CLGN: variants seen among roughly 807,000 people sequenced by gnomAD.
CLGN encodes the protein calmegin.
CLGN carries 62 observed loss-of-function variants against 79.1 expected under a neutral mutation model. The observed-to-expected ratio is 0.78, with a 90% confidence interval of 0.64 to 0.97. The LOEUF (loss-of-function observed/expected upper bound fraction) is 0.97. Ranked by LOEUF, CLGN falls within the 50% of genes least tolerant of loss-of-function variation. The pLI is 0.00. For missense variants in CLGN, 647 were observed against 715.5 expected, an observed-to-expected ratio of 0.90 and a Z score of 1.09; for synonymous variants, 225 against 224.7, an observed-to-expected ratio of 1.00 and a Z score of -0.01.
rs1032229752 is a variant in CLGN, at chr4:140,388,639, C to T, written c.*585G>A. The T allele has an allele frequency of 2.0e-5, 3 of 151,594 alleles. No individual in the cohort carries two copies. Among genetic ancestry groups the T allele is most frequent in the African/African-American group, 7.3e-5 (3 of 41,338 alleles). 9.4% of individuals were successfully genotyped at this position (151,594 alleles called of 1,614,324 possible). A position where few individuals can be genotyped will look rare whatever the true frequency, so the allele number is the denominator to read the frequency against. ...ATGTAAAATATGCTGCAATATAATC[C>T]AGTGATTTTATGAACAAGGCATGTC... On this transcript the variant is annotated 3_prime_UTR_variant, in exon 15 of 15. Coordinates refer to ENST00000325617, the MANE Select transcript of CLGN (RefSeq NM_004362.3).
chr4:140,388,974 A>G lies in CLGN; in HGVS notation c.*250T>C. 1 of 413,022 alleles carries G rather than the reference A, an allele frequency of 2.4e-6. No individual in the cohort carries two copies. Among genetic ancestry groups the G allele is most frequent in the East Asian group, 3.9e-5 (1 of 25,860 alleles). 25.6% of individuals were successfully genotyped at this position (413,022 alleles called of 1,614,324 possible). A position where few individuals can be genotyped will look rare whatever the true frequency, so the allele number is the denominator to read the frequency against. On this transcript the variant is annotated 3_prime_UTR_variant, in exon 15 of 15. Coordinates refer to ENST00000325617, the MANE Select transcript of CLGN (RefSeq NM_004362.3). The stretch of plus-strand genomic sequence containing the variant: ...ATCTCCAAACAACTAAAACTGTGTA[A>G]CTTCTAATGGTATTAATCTCTTAGA...
At chr4:140,396,891 GTATATATATATATA>G (rs746057984) in intron 8 of CLGN, among the ~76,000 whole-genome samples, 7 of 53,664 alleles carry the variant, frequency 1.3e-4, no homozygotes, top group African/African-American at 4.6e-4. Flanking sequence ...ATATATATAT[GTATATATATATATA>G]TGTATATATA....
intron 13 of CLGN, 139 bp from the exon 14 acceptor site, chr4:140,390,867 A>T: frequency 2.4e-6 from 1 of 420,452 alleles, no homozygotes. Context: ...TCCATTCAAA[A>T]TTTTAAAAAT....
chr4:140,401,958 G>T (rs540755624), intron 6 of CLGN, 27 bp downstream of exon 6: 12 of 1,240,958 alleles, frequency 9.7e-6, no homozygotes, highest in Middle Eastern at 3.9e-4. Context: ...CTTTAATAAG[G>T]TTTTCTTAAA....
chr4:140,390,768 T>G (rs747363082), intron 13 of CLGN, 40 bp from the exon 14 acceptor site: 1 of 1,390,406 alleles, frequency 7.2e-7, no homozygotes, highest in African/African-American at 1.5e-5. Context: ...ACTCAATAAA[T>G]TAGAATTTTG....
intron 1 of CLGN, among the ~76,000 whole-genome samples, chr4:140,419,716 CTT>C (rs1250597164): frequency 1.3e-5 from 2 of 152,012 alleles, no homozygotes; most frequent in Non-Finnish European, 2.9e-5. Context: ...TACATAATTA[CTT>C]ATATATTTAT....
chr4:140,405,191 A>ATTTTTTTTTTTTTTTTTTTTTTTTAT (rs35471612), intron 5 of CLGN, among the ~76,000 whole-genome samples: 3 of 129,064 alleles, frequency 2.3e-5, no homozygotes, highest in Non-Finnish European at 4.8e-5. Context: ...TTTTTTTTTT[A>ATTTTTTTTTTTTTTTTTTTTTTTTAT]TTTTTTTTTT....
At chr4:140,400,586 T>C (rs1728981425) in intron 6 of CLGN, 37 bp from the exon 7 acceptor site, 1 of 1,327,518 alleles carries the variant, frequency 7.5e-7, no homozygotes, top group East Asian at 2.3e-5. Context: ...TAGTCCAGAA[T>C]CACAGACTAT....
At chr4:140,410,290 G>A (rs1019185897) in intron 3 of CLGN, among the ~76,000 whole-genome samples, 1 of 151,874 alleles carries the variant, frequency 6.6e-6, no homozygotes, top group Non-Finnish European at 1.5e-5. Flanking sequence ...ACTTAAGAGT[G>A]TTAATCTGTC....
intron 5 of CLGN, among the ~76,000 whole-genome samples, chr4:140,404,293 C>T (rs1262184893): frequency 6.6e-6 from 1 of 152,028 alleles, no homozygotes; most frequent in Non-Finnish European, 1.5e-5. Context: ...CAGGGTTTCA[C>T]CATGTTAGAC....
chr4:140,418,016 G>A (rs974009630), intron 1 of CLGN, among the ~76,000 whole-genome samples: 4 of 152,070 alleles, frequency 2.6e-5, no homozygotes, highest in Admixed American at 2.6e-4. Context: ...ATGGATCAAT[G>A]GAACAAAACA....
chr4:140,420,945 T>C (rs902703133), intron 1 of CLGN, among the ~76,000 whole-genome samples: 1 of 152,142 alleles, frequency 6.6e-6, no homozygotes. Context: ...TATACACTTT[T>C]AACAACTCCC....
chr4:140,391,549 T>A (rs751792564), intron 13 of CLGN, among the ~76,000 whole-genome samples: 31 of 151,916 alleles, frequency 2.0e-4, no homozygotes, highest in African/African-American at 7.0e-4. Context: ...TAGACACATA[T>A]GTGTTTTTAA....
chr4:140,389,191 C>T lies in CLGN; in HGVS notation c.*33G>A. 2.6e-6 allele frequency: 4 copies of T among 1,559,426 alleles called. No homozygotes were observed. Among genetic ancestry groups the T allele is most frequent in the Non-Finnish European group, 3.5e-6 (4 of 1,131,826 alleles). ...TGCTGATTTTTACAATGCCAAACAT[C>T]CCTCTCGGGAATTAAAAATATTTCA... On this transcript the variant is annotated 3_prime_UTR_variant, in exon 15 of 15. Transcript: ENST00000325617.
At chr4:140,403,832 C>G (rs981175129) in intron 5 of CLGN, among the ~76,000 whole-genome samples, 1 of 152,178 alleles carries the variant, frequency 6.6e-6, no homozygotes, top group Admixed American at 6.5e-5. Flanking sequence ...TATCATACAG[C>G]TTGACTACTG....
intron 4 of CLGN, among the ~76,000 whole-genome samples, chr4:140,409,447 C>T (rs1332779949): frequency 4.6e-5 from 7 of 151,972 alleles, no homozygotes; most frequent in Non-Finnish European, 1.0e-4. Context: ...CATTAGCTAT[C>T]TTCTGCTTTT....
intron 1 of CLGN, among the ~76,000 whole-genome samples, 169 bp from the exon 2 acceptor site, chr4:140,413,256 C>T (rs1729248158): frequency 6.6e-6 from 1 of 152,160 alleles, no homozygotes; most frequent in Non-Finnish European, 1.5e-5. Flanking sequence ...AGTGAAAATA[C>T]AAACTTCAAA....
intron 8 of CLGN, 37 bp downstream of exon 8, chr4:140,398,814 T>A: frequency 6.4e-7 from 1 of 1,558,480 alleles, no homozygotes; most frequent in Non-Finnish European, 8.8e-7. Context: ...TACCTAGTTA[T>A]GCCAGATAAT....
chr4:140,406,948 T>C (rs1439594891), intron 4 of CLGN, among the ~76,000 whole-genome samples: 1 of 152,202 alleles, frequency 6.6e-6, no homozygotes, highest in Non-Finnish European at 1.5e-5. Flanking sequence ...TATTTTCCAG[T>C]ATTGTGTCAA....
Sources: allele counts gnomAD v4.1 joint callset (sites outside exome capture counted in the v4.1 genomes callset), GRCh38; gene constraint gnomAD v4.1.1; transcripts MANE v1.5; gene names NCBI Gene and HGNC (gene_info 2026-07-23, HGNC 2026-07-21).